ATG4B: variants seen among roughly 807,000 people sequenced by gnomAD.
ATG4B encodes cysteine protease ATG4B.
A neutral mutation model predicts 56.6 loss-of-function variants in ATG4B; 29 were observed. The ratio of observed to expected loss-of-function variants is 0.51; its 90% CI spans 0.38 to 0.70. ATG4B has a LOEUF of 0.70. Ranked by LOEUF, ATG4B falls within the 30% of genes least tolerant of loss-of-function variation. The pLI is 0.00. For synonymous variants in ATG4B, 224 were observed against 206.1 expected (o/e 1.09, Z -0.74); for missense variants, 461 against 515.5 (o/e 0.89, Z 1.02).
In ATG4B at chr2:241,672,335, G is replaced by A. The variant is rs369376029; in HGVS notation, c.*71G>A. On this transcript the variant is annotated 3_prime_UTR_variant, in exon 13 of 13. Transcript: ENST00000404914. ...GGTGCCGCTGCGTTTCATCCATCCCGCCCGCTCGCCTGCCGAGGGCTGCGC... is the reference window on the plus strand; with the variant it reads ...GGTGCCGCTGCGTTTCATCCATCCCACCCGCTCGCCTGCCGAGGGCTGCGC... 5.8e-5 allele frequency: 80 copies of A among 1,367,896 alleles called. No individual in the cohort carries two copies. Among genetic ancestry groups the A allele is most frequent in the African/African-American group, 2.9e-5 (2 of 69,136 alleles). The allele number at this position is 1,367,896 out of a possible 1,614,324, so 84.7% of individuals were successfully genotyped here.
At chr2:241,660,018 C>T (rs1246132931) in intron 7 of ATG4B, among the ~76,000 whole-genome samples, 3 of 152,082 alleles carry the variant, frequency 2.0e-5, no homozygotes, top group African/African-American at 4.8e-5. Context: ...GGTGAAACCC[C>T]GTCTCTACTA....
chr2:241,658,702 C>T (rs145526774), intron 6 of ATG4B, among the ~76,000 whole-genome samples: 10 of 152,316 alleles, frequency 6.6e-5, no homozygotes, highest in South Asian at 2.1e-4. Flanking sequence ...GTCAGCTCAG[C>T]GTGTTTGGTG....
At chr2:241,654,193 C>T (rs950446241) in intron 4 of ATG4B, among the ~76,000 whole-genome samples, 7 of 151,854 alleles carry the variant, frequency 4.6e-5, no homozygotes, top group East Asian at 1.9e-4. Flanking sequence ...GATGCCGAGG[C>T]GGGTGGGTCA....
At chr2:241,659,891 A>C (rs891393022) in intron 7 of ATG4B, 1 of 158,160 alleles carries the variant, frequency 6.3e-6, no homozygotes, top group African/African-American at 2.4e-5. Context: ...CCAATTTTCC[A>C]TAAGAAAGAG....
intron 3 of ATG4B, chr2:241,653,222 T>G: frequency 1.0e-6 from 1 of 976,548 alleles, no homozygotes; most frequent in Non-Finnish European, 1.6e-6. Flanking sequence ...TCTGGATGAC[T>G]TACGGGGGTC....
chr2:241,672,462 G>A lies in ATG4B; in HGVS notation c.*198G>A. 1 of 603,948 alleles carries A rather than the reference G, an allele frequency of 1.7e-6. No individual in the cohort carries two copies. The highest frequency in any genetic ancestry group is 3.0e-5 in the Admixed American group (1 of 33,688). The allele number at this position is 603,948 out of a possible 1,614,324, so 37.4% of individuals were successfully genotyped here. A position where few individuals can be genotyped will look rare whatever the true frequency, so the allele number is the denominator to read the frequency against. On this transcript the variant is annotated 3_prime_UTR_variant, in exon 13 of 13. Transcript: ENST00000404914. ...TTGGTGTCAGACTGCCCAGCTCAGA[G>A]TGCCCGTCAGGGCCTGTGCATCCGC...
At chr2:241,662,163 C>T (rs1207066994) in intron 7 of ATG4B, among the ~76,000 whole-genome samples, 1 of 152,054 alleles carries the variant, frequency 6.6e-6, no homozygotes, top group African/African-American at 2.4e-5. Flanking sequence ...GCTAAAGACC[C>T]CCAAATTTTT....
chr2:241,641,440 C>T (rs1028232711), intron 1 of ATG4B, among the ~76,000 whole-genome samples: 11 of 151,830 alleles, frequency 7.2e-5, no homozygotes, highest in East Asian at 1.9e-4. Flanking sequence ...ATCCCAGCTA[C>T]GCAGGAGGCT....
chr2:241,646,621 C>T (rs759324969), intron 1 of ATG4B, among the ~76,000 whole-genome samples: 1 of 152,156 alleles, frequency 6.6e-6, no homozygotes, highest in African/African-American at 2.4e-5. Flanking sequence ...CAGATAGCTC[C>T]TCGTCAGCCA....
In ATG4B at chr2:241,666,817, G is replaced by A. The variant is rs1194537035; in HGVS notation, c.711G>A (p.Glu237=). The change falls in exon 8 of 13, where the codon GAG becomes GAA. Residue 237 remains glutamate (E), a synonymous_variant. Transcript: ENST00000404914. ...GCCTGGGGCTCACGGACATCAACGA[G>A]GCCTACGTGGAGACGCTGAAGGTGG... ...PLRLGLTDIN[E]AYVETLKHCF... 6.4e-7 allele frequency: 1 copy of A among 1,568,534 alleles called. No homozygotes were observed. Among genetic ancestry groups the A allele is most frequent in the Non-Finnish European group, 8.6e-7 (1 of 1,157,064 alleles).
At chr2:241,657,608 C>T (rs2125131338) in intron 6 of ATG4B, among the ~76,000 whole-genome samples, 1 of 152,320 alleles carries the variant, frequency 6.6e-6, no homozygotes, top group Non-Finnish European at 1.5e-5. Context: ...TGGCCAATTC[C>T]TCTTTATTTC....
In ATG4B at chr2:241,671,419, A is replaced by C. The variant is rs778526815; in HGVS notation, c.1108+14A>C. 5.0e-6 allele frequency: 8 copies of C among 1,613,036 alleles called. No homozygotes were observed. Among genetic ancestry groups the C allele is most frequent in the Non-Finnish European group, 6.8e-6 (8 of 1,179,684 alleles). ...ACCTGTCCCTAGGTGAGAGCTGCCAAGTCCAGGTGGGGTCCCTCGGAGGTA... is the reference window on the plus strand; with the variant it reads ...ACCTGTCCCTAGGTGAGAGCTGCCACGTCCAGGTGGGGTCCCTCGGAGGTA... On this transcript the variant is annotated intron_variant, in intron 12 of 12. Coordinates refer to ENST00000404914, the MANE Select transcript of ATG4B (RefSeq NM_013325.5).
intron 1 of ATG4B, among the ~76,000 whole-genome samples, chr2:241,638,533 G>A (rs2067764826): frequency 1.3e-5 from 2 of 152,236 alleles, no homozygotes; most frequent in Non-Finnish European, 2.9e-5. Context: ...TTCATTCTTT[G>A]TGGGAACTGA....
In ATG4B at chr2:241,661,380, C is replaced by T. The variant is rs967111604; in HGVS notation, c.538+2193C>T. 3.9e-5 allele frequency among the ~76,000 whole-genome samples: 6 copies of T among 152,074 alleles called. 1 individual carries two copies. Among genetic ancestry groups the T allele is most frequent in the Admixed American group, 3.3e-4 (5 of 15,258 alleles). On this transcript the variant is annotated intron_variant, in intron 7 of 12. Transcript: ENST00000404914. ...TGGCGTGGTGTTGTGAGGAGGACAT[C>T]GGGGTCGTTCTGAATGACCCCTACC... is the stretch of plus-strand genomic sequence containing the variant.
intron 4 of ATG4B, among the ~76,000 whole-genome samples, chr2:241,653,987 T>C (rs1308082676): frequency 9.6e-6 from 1 of 104,560 alleles, no homozygotes; most frequent in Non-Finnish European, 1.8e-5. Flanking sequence ...TTAGACCCTA[T>C]CTGAAAAAAA....
At chr2:241,671,880 A>C in intron 12 of ATG4B, 1 of 1,305,262 alleles carries the variant, frequency 7.7e-7, no homozygotes, top group Non-Finnish European at 9.8e-7. Flanking sequence ...GGGAAACTCT[A>C]CAAACAAGGC....
Position 241,668,989 on chromosome 2 carries a change from A to G in ATG4B, c.957+304A>G. The G allele has an allele frequency of 2.6e-6, 1 of 392,118 alleles. No individual in the cohort carries two copies. The highest frequency in any genetic ancestry group is 4.6e-6 in the Non-Finnish European group (1 of 217,842). 24.3% of individuals were successfully genotyped at this position (392,118 alleles called of 1,614,324 possible). On this transcript the variant is annotated intron_variant, in intron 10 of 12. Coordinates refer to ENST00000404914, the MANE Select transcript of ATG4B (RefSeq NM_013325.5). This position sits in a 1 kb window ranked among gnomAD's most constrained non-coding sequence, Gnocchi z 4.2. ...GCATGGATGAGTGTGAGCCATGGTGAGTGTGTCCCCCTCACACCTACATTT... is the reference window on the plus strand; with the variant it reads ...GCATGGATGAGTGTGAGCCATGGTGGGTGTGTCCCCCTCACACCTACATTT...
In ATG4B at chr2:241,672,384, G is replaced by C. The variant is rs1362088436; in HGVS notation, c.*120G>C. 1.1e-6 allele frequency: 1 copy of C among 897,280 alleles called. No individual in the cohort carries two copies. The highest frequency in any genetic ancestry group is 1.7e-6 in the Non-Finnish European group (1 of 581,816). 55.6% of individuals were successfully genotyped at this position (897,280 alleles called of 1,614,324 possible). On this transcript the variant is annotated 3_prime_UTR_variant, in exon 13 of 13. Coordinates refer to ENST00000404914, the MANE Select transcript of ATG4B (RefSeq NM_013325.5). Reference sequence around the variant, plus strand: ...GCCCCGTGCTGCCTCCCCCCAGAGGGCCACCCGCTGTGCTCGTGGACTGAG... The same window carrying C: ...GCCCCGTGCTGCCTCCCCCCAGAGGCCCACCCGCTGTGCTCGTGGACTGAG...
chr2:241,652,301 C>T (rs538605242), intron 3 of ATG4B, among the ~76,000 whole-genome samples: 119 of 152,342 alleles, frequency 7.8e-4, no homozygotes, highest in Middle Eastern at 3.4e-3. Context: ...CTCTCTTGGC[C>T]GCCTTGGATG....
Sources: gnomAD v4.1 joint callset for allele counts (sites outside exome capture counted in the v4.1 genomes callset) on GRCh38, gnomAD v4.1.1 for gene constraint, Gnocchi (gnomAD v3.1) non-coding constraint, MANE v1.5 for transcripts, NCBI Gene and HGNC (gene_info 2026-07-23, HGNC 2026-07-21) for gene names.